GSE1: variants seen among roughly 807,000 people sequenced by gnomAD.
The protein encoded by GSE1 is Gse1 coiled-coil protein.
Under a neutral mutation model 112.6 loss-of-function variants are expected in GSE1, and 32 were observed. That is an observed-to-expected ratio of 0.28 (90% CI 0.21 to 0.38). GSE1 has a LOEUF of 0.38. GSE1 is among the 10% of genes least tolerant of loss of function. The probability of loss-of-function intolerance (pLI) is 1.00; values close to 1 mark genes in which losing one functional copy is unlikely to be tolerated. For missense variants in GSE1, 2,348 were observed against 1,699.2 expected, an observed-to-expected ratio of 1.38 and a Z score of -6.71; for synonymous variants, 1,115 against 735.6, an observed-to-expected ratio of 1.52 and a Z score of -8.35.
intron 1 of GSE1, among the ~76,000 whole-genome samples, chr16:85,187,224 G>T (rs376335687): frequency 2.6e-5 from 4 of 152,234 alleles, no homozygotes; most frequent in African/African-American, 9.6e-5. Flanking sequence ...CCTTGTGACT[G>T]TGGCTGCAGC....
intron 1 of GSE1, among the ~76,000 whole-genome samples, chr16:85,625,097 C>T (rs911997058): frequency 3.3e-5 from 5 of 152,284 alleles, no homozygotes; most frequent in South Asian, 2.1e-4. Flanking sequence ...GACTCAGGGC[C>T]CCGCCCTCTC....
At chr16:85,478,302 A>G (rs12924354) in intron 2 of GSE1, among the ~76,000 whole-genome samples, 76,045 of 151,764 alleles carry the variant, frequency 0.5, 19,574 homozygotes, top group Non-Finnish European at 0.53. Flanking sequence ...CGAGGCGGGC[A>G]GATCACTTGA....
At chr16:85,575,137 C>T (rs1054442257) in intron 1 of GSE1, among the ~76,000 whole-genome samples, 3 of 151,130 alleles carry the variant, frequency 2.0e-5, no homozygotes, top group Admixed American at 6.6e-5. Context: ...CACACCTTGG[C>T]GCTACAGAAT....
chr16:85,400,216 C>A lies in GSE1; in HGVS notation c.2464+42573C>A, dbSNP rs148147881. Among the ~76,000 whole-genome samples, 8 of 151,844 alleles carry A rather than the reference C, an allele frequency of 5.3e-5. No homozygotes were observed. The East Asian group carries it at 1.5e-3, about 29-fold the overall frequency. On this transcript the variant is annotated intron_variant, in intron 2 of 2. Coordinates refer to the GSE1 transcript ENST00000637419. ...CCCCTCCCTGCTGAGGTTTTGGGATCATCAAAGAGATGGGAAAACAGGAAG... is the reference window on the plus strand; with the variant it reads ...CCCCTCCCTGCTGAGGTTTTGGGATAATCAAAGAGATGGGAAAACAGGAAG...
At chr16:85,525,343 G>A (rs1452871609) in intron 2 of GSE1, among the ~76,000 whole-genome samples, 1 of 140,662 alleles carries the variant, frequency 7.1e-6, no homozygotes, top group Non-Finnish European at 1.6e-5. Flanking sequence ...GCCCAGTGCG[G>A]CTGGCTCAGC....
chr16:85,567,139 A>T (rs1224006608), intron 1 of GSE1, among the ~76,000 whole-genome samples: 1 of 147,880 alleles, frequency 6.8e-6, no homozygotes, highest in Non-Finnish European at 1.5e-5. Context: ...TGTCTTTATG[A>T]CAGCACTCAC....
chr16:85,237,277 C>T (rs144945514), intron 1 of GSE1, among the ~76,000 whole-genome samples: 2 of 151,954 alleles, frequency 1.3e-5, no homozygotes, highest in Non-Finnish European at 2.9e-5. Flanking sequence ...TTGCTGAGAT[C>T]GCGCCACTGC....
intron 1 of GSE1, among the ~76,000 whole-genome samples, chr16:85,301,539 G>A (rs1044673734): frequency 2.6e-5 from 4 of 152,256 alleles, no homozygotes; most frequent in African/African-American, 7.2e-5. Context: ...CATGGGCACC[G>A]GAAAGAATCC....
At chr16:85,635,651 C>T (rs895948710) in intron 2 of GSE1, among the ~76,000 whole-genome samples, 33 of 152,276 alleles carry the variant, frequency 2.2e-4, no homozygotes, top group Admixed American at 5.2e-4. Context: ...GTCTTTTTTT[C>T]TCAGCGTTTG....
At chr16:85,250,323 C>T (rs1271517042) in intron 1 of GSE1, among the ~76,000 whole-genome samples, 2 of 152,228 alleles carry the variant, frequency 1.3e-5, no homozygotes, top group Admixed American at 6.5e-5. Flanking sequence ...CAGCAGTGCA[C>T]CCCCTCTCGC....
chr16:85,443,341 G>A (rs555945497), intron 2 of GSE1, among the ~76,000 whole-genome samples: 3 of 152,334 alleles, frequency 2.0e-5, no homozygotes, highest in East Asian at 3.9e-4. Flanking sequence ...GCAGTGCAGC[G>A]CATGGCCCAG....
chr16:85,201,768 C>T lies in GSE1; in HGVS notation c.2283+29961C>T, dbSNP rs984054984. On this transcript the variant is annotated intron_variant, in intron 1 of 2. Transcript: ENST00000637419. The stretch of plus-strand genomic sequence containing the variant: ...CAGTTCCAGACTTCACTTTTCTCTA[C>T]GTGTTGGAGATGTGAGACAAAGCCG... Among the ~76,000 whole-genome samples the T allele has an allele frequency of 2.0e-5, 3 of 152,188 alleles. No individual in the cohort carries two copies. In the South Asian group the frequency reaches 6.2e-4, roughly 31 times the overall value.
chr16:85,302,010 C>T (rs2045539665), intron 1 of GSE1, among the ~76,000 whole-genome samples: 1 of 152,236 alleles, frequency 6.6e-6, no homozygotes, highest in Non-Finnish European at 1.5e-5. Flanking sequence ...CCAGAGAGAA[C>T]TCTCCAGGCA....
chr16:85,345,286 A>G lies in GSE1; in HGVS notation c.2284-12177A>G, dbSNP rs1443128266. Among the ~76,000 whole-genome samples, 3 of 152,268 alleles carry G rather than the reference A, an allele frequency of 2.0e-5. No individual in the cohort carries two copies. In the East Asian group the frequency reaches 5.8e-4, roughly 29 times the overall value. On this transcript the variant is annotated intron_variant, in intron 1 of 2. Transcript: ENST00000637419. ...GAAATTCAAATTTTAGTGTCCGTAA[A>G]TAAAGTTTTATTGGAACAGCCACAC...
intron 1 of GSE1, among the ~76,000 whole-genome samples, chr16:85,630,505 G>C (rs2049452549): frequency 6.6e-6 from 1 of 152,154 alleles, no homozygotes. Flanking sequence ...GTAATTTACA[G>C]AGACAGCGTC....
intron 1 of GSE1, among the ~76,000 whole-genome samples, chr16:85,573,548 C>T (rs1196375652): frequency 6.6e-6 from 1 of 152,226 alleles, no homozygotes; most frequent in East Asian, 1.9e-4. Context: ...GACTCTCTTC[C>T]TGAGCCTCAG....
intron 1 of GSE1, among the ~76,000 whole-genome samples, chr16:85,187,650 A>G (rs962904848): frequency 6.6e-6 from 1 of 152,142 alleles, no homozygotes; most frequent in Non-Finnish European, 1.5e-5. Flanking sequence ...GGGTGTGCGG[A>G]CATCAGGCCT....
At chr16:85,470,847 T>C (rs2050272174) in intron 2 of GSE1, among the ~76,000 whole-genome samples, 1 of 152,190 alleles carries the variant, frequency 6.6e-6, no homozygotes, top group Admixed American at 6.5e-5. Flanking sequence ...GGCAGTTTGG[T>C]AGCTTCTTTA....
intron 2 of GSE1, among the ~76,000 whole-genome samples, chr16:85,425,471 G>A (rs1048502459): frequency 9.9e-5 from 15 of 152,206 alleles, no homozygotes; most frequent in African/African-American, 4.8e-5. Flanking sequence ...GAAGTCGCCC[G>A]TGATGCTCAT....
Sources: gnomAD v4.1 joint callset for allele counts (sites outside exome capture counted in the v4.1 genomes callset) on GRCh38, gnomAD v4.1.1 for gene constraint, MANE v1.5 for transcripts, NCBI Gene and HGNC (gene_info 2026-07-23, HGNC 2026-07-21) for gene names.